Variants in GALNT13 observed in about 807,000 individuals in gnomAD.
The protein encoded by GALNT13 is polypeptide N-acetylgalactosaminyltransferase 13.
Under a neutral mutation model 64.2 loss-of-function variants are expected in GALNT13, and 28 were observed. That is an observed-to-expected ratio of 0.44 (90% confidence interval 0.32 to 0.60). The LOEUF (loss-of-function observed/expected upper bound fraction) is 0.60, where lower values mean the gene tolerates loss of function less well. Among genes scored for constraint, GALNT13 ranks in the 20% least tolerant of loss-of-function variants. The pLI is 0.05. For synonymous variants in GALNT13, 214 were observed against 224.6 expected (o/e 0.95, Z 0.42); for missense variants, 577 against 669.8 (o/e 0.86, Z 1.53).
chr2:153,615,264 G>C, the GALNT13 span, among the ~76,000 whole-genome samples: 2 of 151,714 alleles, frequency 1.3e-5, no homozygotes, highest in East Asian at 3.9e-4. Context: ...TTCTTAATCC[G>C]TAAGTGTCTA....
chr2:153,573,142 T>G, the GALNT13 span, among the ~76,000 whole-genome samples: 1 of 152,002 alleles, frequency 6.6e-6, no homozygotes, highest in East Asian at 1.9e-4. Flanking sequence ...TGCATATATA[T>G]TTAAGATTGT....
the GALNT13 span, among the ~76,000 whole-genome samples, chr2:153,075,876 A>G: frequency 6.6e-6 from 1 of 152,122 alleles, no homozygotes; most frequent in Non-Finnish European, 1.5e-5. Flanking sequence ...AATAATTTAC[A>G]TATGTTCTCT....
At chr2:153,804,313 A>T in the GALNT13 span, among the ~76,000 whole-genome samples, 1 of 152,114 alleles carries the variant, frequency 6.6e-6, no homozygotes, top group African/African-American at 2.4e-5. Context: ...GACCACAGGC[A>T]TGTGCCATCA....
the GALNT13 span, among the ~76,000 whole-genome samples, chr2:153,860,494 C>A: frequency 2.6e-5 from 4 of 152,210 alleles, no homozygotes; most frequent in East Asian, 7.7e-4. Flanking sequence ...TCCTCTTTTA[C>A]TATTTAGGAC....
At chr2:154,311,437 G>C (rs544072719) in intron 9 of GALNT13, among the ~76,000 whole-genome samples, 28 of 152,184 alleles carry the variant, frequency 1.8e-4, no homozygotes, top group African/African-American at 6.5e-4. Flanking sequence ...TTTTATTAGG[G>C]AGTTTCAAAA....
chr2:153,873,308 C>T (rs1197126691), intron 1 of GALNT13, among the ~76,000 whole-genome samples: 1 of 152,234 alleles, frequency 6.6e-6, no homozygotes, highest in Non-Finnish European at 1.5e-5. Flanking sequence ...GCAGGCTCCC[C>T]TTGCCGGGTC....
At chr2:153,214,719 A>T in the GALNT13 span, among the ~76,000 whole-genome samples, 1 of 152,166 alleles carries the variant, frequency 6.6e-6, no homozygotes, top group Non-Finnish European at 1.5e-5. Flanking sequence ...AGACTAACAC[A>T]GTTTGATAAT....
At chr2:153,192,462 G>A in the GALNT13 span, among the ~76,000 whole-genome samples, 14 of 151,896 alleles carry the variant, frequency 9.2e-5, no homozygotes, top group Non-Finnish European at 1.3e-4. Flanking sequence ...GTGGTCTATC[G>A]TAATGTTCCA....
At chr2:153,244,616 C>T in the GALNT13 span, among the ~76,000 whole-genome samples, 2 of 152,192 alleles carry the variant, frequency 1.3e-5, no homozygotes, top group Non-Finnish European at 2.9e-5. Flanking sequence ...CTACGCTTTT[C>T]CCATGGTTTT....
the GALNT13 span, among the ~76,000 whole-genome samples, chr2:153,336,778 T>G: frequency 6.6e-6 from 1 of 152,078 alleles, no homozygotes; most frequent in African/African-American, 2.4e-5. Context: ...TTGGAGGGGC[T>G]AGGGGTAGAA....
intron 9 of GALNT13, among the ~76,000 whole-genome samples, chr2:154,375,342 AAGAT>A (rs1330363930): frequency 4.6e-5 from 7 of 152,108 alleles, no homozygotes; most frequent in African/African-American, 7.2e-5. Context: ...CCAAGATAAA[AAGAT>A]AGAGCTATAC....
intron 9 of GALNT13, among the ~76,000 whole-genome samples, chr2:154,340,152 C>G (rs543837530): frequency 3.3e-5 from 5 of 152,250 alleles, no homozygotes; most frequent in African/African-American, 9.6e-5. Flanking sequence ...CTGTGCAGAT[C>G]TCTATTGCTC....
chr2:153,658,786 T>TTC, the GALNT13 span, among the ~76,000 whole-genome samples: 1 of 151,304 alleles, frequency 6.6e-6, no homozygotes. Context: ...TTGCTTGCTT[T>TTC]TTTTTTTTCT....
At chr2:153,677,805 G>C in the GALNT13 span, among the ~76,000 whole-genome samples, 1 of 152,060 alleles carries the variant, frequency 6.6e-6, no homozygotes, top group Admixed American at 6.6e-5. Flanking sequence ...TCAATAAATG[G>C]TGATAGTGTA....
At chr2:154,354,450 T>A (rs1696603961) in intron 9 of GALNT13, among the ~76,000 whole-genome samples, 1 of 121,472 alleles carries the variant, frequency 8.2e-6, no homozygotes, top group Non-Finnish European at 1.7e-5. Flanking sequence ...TTTTTGCTGT[T>A]GTAGCTGAGC....
intron 3 of GALNT13, among the ~76,000 whole-genome samples, chr2:154,068,037 A>T (rs1025242549): frequency 6.6e-6 from 1 of 152,052 alleles, no homozygotes; most frequent in Non-Finnish European, 1.5e-5. Context: ...TAATCCATTT[A>T]AAAAATGGGC....
chr2:153,249,840 C>T, the GALNT13 span, among the ~76,000 whole-genome samples: 2 of 152,160 alleles, frequency 1.3e-5, no homozygotes, highest in Non-Finnish European at 2.9e-5. Context: ...AAAACAGAAA[C>T]TGAACTCCCT....
chr2:154,456,384 ATT>A (rs1702033391), downstream of GALNT13, among the ~76,000 whole-genome samples: 1 of 152,082 alleles, frequency 6.6e-6, no homozygotes, highest in Non-Finnish European at 1.5e-5. Flanking sequence ...AAATTTAAAT[ATT>A]CATACATTTT....
the GALNT13 span, among the ~76,000 whole-genome samples, chr2:153,373,132 TTGTG>T: frequency 1.4e-3 from 209 of 148,806 alleles, 1 homozygote; most frequent in South Asian, 6.0e-3. Context: ...TTCTGTTGCT[TTGTG>T]TGTGTGTGTG....
Sources: gnomAD v4.1 joint callset for allele counts (sites outside exome capture counted in the v4.1 genomes callset) on GRCh38, gnomAD v4.1.1 for gene constraint, MANE v1.5 for transcripts, NCBI Gene and HGNC (gene_info 2026-07-23, HGNC 2026-07-21) for gene names.